Variants in FHIP1B observed in about 807,000 individuals in gnomAD.
FHIP1B encodes the protein FHF complex subunit HOOK-interacting protein 1B.
A neutral mutation model predicts 82.2 loss-of-function variants in FHIP1B; 28 were observed. The observed-to-expected ratio is 0.34, with a 90% confidence interval of 0.25 to 0.47. The LOEUF (loss-of-function observed/expected upper bound fraction) is 0.47, where lower values mean the gene tolerates loss of function less well. Among genes scored for constraint, FHIP1B ranks in the 20% least tolerant of loss-of-function variants. The pLI, the probability that FHIP1B is intolerant of heterozygous loss-of-function variation, is 1.00. For synonymous variants in FHIP1B, 585 were observed against 516.1 expected (o/e 1.13, Z -1.81); for missense variants, 1,110 against 1,262.6 (o/e 0.88, Z 1.83).
intron 11 of FHIP1B, among the ~76,000 whole-genome samples, chr11:6,212,149 C>T (rs140020638): frequency 6.6e-6 from 1 of 152,302 alleles, no homozygotes; most frequent in Non-Finnish European, 1.5e-5. Context: ...CCCACCCAGC[C>T]AACCATCCTT....
At chr11:6,214,387 C>G (rs143007514) in intron 11 of FHIP1B, 24 bp downstream of exon 11, 20 of 1,582,480 alleles carry the variant, frequency 1.3e-5, no homozygotes, top group African/African-American at 9.5e-5. Context: ...AGGGCAGGTA[C>G]GGGTGTGGTG....
In FHIP1B at chr11:6,217,998, G is replaced by A. The variant is rs747771810; in HGVS notation, c.1588C>T (p.Pro530Ser). ...APCSPGLSASPASSPGRRPTP... is the reference protein window; with the variant it reads ...APCSPGLSASSASSPGRRPTP... ...GGCCGTCGGCCAGGGCTGGAGGCGG[G>A]GGATGCAGAAAGCCCTGGTGAGCAA... The change falls in exon 9 of 12, where the codon CCC becomes TCC. Residue 530 changes from proline to serine, a missense_variant. Pro to Ser is a moderately conservative substitution (Grantham distance 74, BLOSUM62 -1). Transcript: ENST00000449352. The A allele has an allele frequency of 2.5e-6, 4 of 1,613,672 alleles. No individual in the cohort carries two copies. In the South Asian group the frequency reaches 4.4e-5, roughly 18 times the overall value.
At position 6,223,456 on chromosome 11, in the gene FHIP1B, C is replaced by T. The variant is rs1847472042; in HGVS notation, c.777+154G>A. 6.6e-6 allele frequency among the ~76,000 whole-genome samples: 1 copy of T among 152,152 alleles called. No individual in the cohort carries two copies. Among genetic ancestry groups the T allele is most frequent in the African/African-American group, 2.4e-5 (1 of 41,426 alleles). ...CTATCCATCTAAGCCCATGATTCAT[C>T]CCCACTACAACTCCAGGGGGCTGCT... On this transcript the variant is annotated intron_variant, in intron 3 of 11. Transcript: ENST00000449352. The surrounding 1 kb of genome is among the most constrained non-coding windows in gnomAD (Gnocchi z 4.8).
At chr11:6,215,681 G>A (rs1449674456) in intron 9 of FHIP1B, among the ~76,000 whole-genome samples, 1 of 152,214 alleles carries the variant, frequency 6.6e-6, no homozygotes, top group Admixed American at 6.5e-5. Context: ...AACTGACTGA[G>A]GACAGACTCT....
chr11:6,224,134 C>T lies in FHIP1B; in HGVS notation c.253G>A (p.Ala85Thr). 1 of 1,614,030 alleles carries T rather than the reference C, an allele frequency of 6.2e-7. No individual in the cohort carries two copies. Among genetic ancestry groups the T allele is most frequent in the Non-Finnish European group, 8.5e-7 (1 of 1,180,012 alleles). Reference sequence around the variant, plus strand: ...GGGCCTGTGGGGGCCGAGGGAACTGCACGGTCCTCTGCCAGCAGTGTCAAC... The same window carrying T: ...GGGCCTGTGGGGGCCGAGGGAACTGTACGGTCCTCTGCCAGCAGTGTCAAC... The part of the protein sequence containing the change: ...QMLTLLAEDR[A>T]VPSAPTGPGP... The change falls in exon 3 of 12, where the codon GCA becomes ACA. Residue 85 changes from alanine (A) to threonine (T), a missense_variant. Ala to Thr is a moderately conservative substitution (Grantham distance 58, BLOSUM62 0). Transcript: ENST00000449352.
chr11:6,227,686 G>A (rs1847597890), intron 1 of FHIP1B, among the ~76,000 whole-genome samples: 1 of 151,632 alleles, frequency 6.6e-6, no homozygotes, highest in South Asian at 2.1e-4. Context: ...AGACAACTAT[G>A]AAGCTATGGA....
At chr11:6,222,925 G>A (rs752219710) in intron 4 of FHIP1B, 28 bp from the exon 5 acceptor site, 2 of 1,608,012 alleles carry the variant, frequency 1.2e-6, no homozygotes, top group Non-Finnish European at 1.7e-6. Flanking sequence ...AGAAGGGGGA[G>A]GGTTATGAGG....
intron 11 of FHIP1B, among the ~76,000 whole-genome samples, chr11:6,212,537 C>T (rs1035378563): frequency 6.6e-6 from 1 of 152,224 alleles, no homozygotes; most frequent in African/African-American, 2.4e-5. Flanking sequence ...TGCACCAAAG[C>T]CTCTCTCCCA....
At chr11:6,218,880 G>A in intron 7 of FHIP1B, 91 bp downstream of exon 7, 1 of 1,563,960 alleles carries the variant, frequency 6.4e-7, no homozygotes, top group Non-Finnish European at 8.8e-7. Context: ...GGAAACTCAT[G>A]AGTAACCCCT....
chr11:6,223,322 T>A lies in FHIP1B; in HGVS notation c.778-84A>T. The A allele has an allele frequency of 1.4e-6, 2 of 1,406,630 alleles. No homozygotes were observed. The highest frequency in any genetic ancestry group is 1.9e-6 in the Non-Finnish European group (2 of 1,033,218). The allele number at this position is 1,406,630 out of a possible 1,614,324, so 87.1% of individuals were successfully genotyped here. A position where few individuals can be genotyped will look rare whatever the true frequency, so the allele number is the denominator to read the frequency against. On this transcript the variant is annotated intron_variant, in intron 3 of 11. Transcript: ENST00000449352. The surrounding 1 kb of genome is among the most constrained non-coding windows in gnomAD (Gnocchi z 4.8). ...AACAGGGGAGCTAGTAATCCAGAGT[T>A]TTGATGGGAATAGGGGTATAAGCTA... is the stretch of plus-strand genomic sequence containing the variant.
chr11:6,223,755 A>G lies in FHIP1B; in HGVS notation c.632T>C (p.Leu211Pro). 6.2e-7 allele frequency: 1 copy of G among 1,614,228 alleles called. No homozygotes were observed. Among genetic ancestry groups the G allele is most frequent in the Non-Finnish European group, 8.5e-7 (1 of 1,180,036 alleles). Residue 211 changes from leucine (L) to proline (P), a missense_variant, in exon 3 of 12, where the codon CTT (leucine) becomes CCT (proline). Around this residue, in one of 6 missense-constraint regions of FHIP1B, gnomAD observed 467 missense variants for 602.9 expected, o/e 0.77. Coordinates refer to ENST00000449352, the MANE Select transcript of FHIP1B (RefSeq NM_001098794.2). This position sits in a 1 kb window ranked among gnomAD's most constrained non-coding sequence, Gnocchi z 4.8. ...AAAAGGGACAAGGCGAGAAAAGAGA[A>G]GAAGACGGGGAGCGGCTCCAGGCTC... ...PPEPGAAPRL[L>P]LFSRLVPFVH...
chr11:6,222,307 A>G, intron 6 of FHIP1B, 135 bp downstream of exon 6: 1 of 941,422 alleles, frequency 1.1e-6, no homozygotes, highest in Non-Finnish European at 1.6e-6. Context: ...TAATGCTGGA[A>G]AGTTAATGCC....
chr11:6,227,467 T>A (rs910670157), intron 1 of FHIP1B, among the ~76,000 whole-genome samples: 1 of 152,162 alleles, frequency 6.6e-6, no homozygotes, highest in Non-Finnish European at 1.5e-5. Flanking sequence ...TATAGGAGAT[T>A]CAGTAAAAGA....
intron 1 of FHIP1B, among the ~76,000 whole-genome samples, chr11:6,231,374 G>T (rs551383377): frequency 6.6e-6 from 1 of 151,902 alleles, no homozygotes; most frequent in African/African-American, 2.4e-5. Context: ...TGAGATACTT[G>T]TGGAGATACA....
intron 6 of FHIP1B, among the ~76,000 whole-genome samples, chr11:6,220,368 C>T (rs1847373245): frequency 6.6e-6 from 1 of 152,030 alleles, no homozygotes; most frequent in Admixed American, 6.6e-5. Context: ...CAGACCCCAC[C>T]CCCCAAAATT....
intron 1 of FHIP1B, among the ~76,000 whole-genome samples, chr11:6,227,652 C>T (rs1847597232): frequency 6.6e-6 from 1 of 152,006 alleles, no homozygotes; most frequent in Non-Finnish European, 1.5e-5. Flanking sequence ...ACAAAAGATA[C>T]AAATTCAAGA....
intron 1 of FHIP1B, among the ~76,000 whole-genome samples, chr11:6,234,083 T>C (rs535014856): frequency 2.0e-4 from 31 of 152,220 alleles, no homozygotes; most frequent in Non-Finnish European, 3.1e-4. Flanking sequence ...GACAGGGCAG[T>C]CCATCGAAGG....
At chr11:6,216,898 A>G (rs1477401744) in intron 9 of FHIP1B, 1 of 598,354 alleles carries the variant, frequency 1.7e-6, no homozygotes, top group Non-Finnish European at 3.0e-6. Context: ...CCAGAAGGTT[A>G]ACCTTAGGCC....
intron 6 of FHIP1B, among the ~76,000 whole-genome samples, chr11:6,220,385 T>C (rs7104438): frequency 2.3e-3 from 349 of 152,290 alleles, no homozygotes; most frequent in African/African-American, 8.1e-3. Flanking sequence ...AATTTTGATT[T>C]TAGCCTGGCG....
Sources: gnomAD v4.1 joint callset for allele counts (sites outside exome capture counted in the v4.1 genomes callset) on GRCh38, gnomAD v4.1.1 for gene constraint, gnomAD v4.1.1 regional missense constraint, Gnocchi (gnomAD v3.1) non-coding constraint, MANE v1.5 for transcripts, NCBI Gene and HGNC (gene_info 2026-07-23, HGNC 2026-07-21) for gene names.